The following RBFOX1 variants were observed in gnomAD, a reference collection of about 807,000 sequenced individuals.
The protein encoded by RBFOX1 is RNA binding fox-1 homolog 1, also known as RNA binding protein fox-1 homolog 1.
In RBFOX1, 8 loss-of-function variants were observed where a neutral mutation model predicts 57.7. The ratio of observed to expected loss-of-function variants is 0.14; its 90% CI spans 0.08 to 0.25. RBFOX1 has a LOEUF of 0.25. Among genes scored for constraint, RBFOX1 ranks in the 10% least tolerant of loss-of-function variants. RBFOX1 has a pLI of 1.00. For missense variants in RBFOX1, 611 were observed against 548.5 expected (o/e 1.11, Z -1.14); for synonymous variants, 326 against 222.4 (o/e 1.47, Z -4.15).
At chr16:7,456,500 A>T (rs2058540614) in intron 4 of RBFOX1, among the ~76,000 whole-genome samples, 1 of 152,234 alleles carries the variant, frequency 6.6e-6, no homozygotes, top group South Asian at 2.1e-4. Context: ...ATTGTTTGCC[A>T]AGGTTGCAAG....
chr16:5,414,700 A>C (rs914061696), intron 1 of RBFOX1, among the ~76,000 whole-genome samples: 4 of 152,154 alleles, frequency 2.6e-5, no homozygotes, highest in African/African-American at 9.7e-5. Context: ...CTGAAATTCA[A>C]AATGACCTCT....
chr16:7,674,642 G>C (rs552456258), intron 13 of RBFOX1, among the ~76,000 whole-genome samples: 7 of 152,306 alleles, frequency 4.6e-5, no homozygotes, highest in African/African-American at 1.4e-4. Flanking sequence ...CACATTTTCT[G>C]TAACTGGCCA....
chr16:6,994,292 C>T (rs1473783580), intron 3 of RBFOX1, among the ~76,000 whole-genome samples: 1 of 152,108 alleles, frequency 6.6e-6, no homozygotes, highest in South Asian at 2.1e-4. Flanking sequence ...TTAATGAAGC[C>T]ATCTTCATCT....
chr16:7,439,753 C>A (rs890075382), intron 4 of RBFOX1, among the ~76,000 whole-genome samples: 1 of 152,128 alleles, frequency 6.6e-6, no homozygotes, highest in Admixed American at 6.6e-5. Flanking sequence ...CATGCATATT[C>A]TTTCCTGAGC....
At chr16:7,646,124 C>G (rs1005609707) in intron 11 of RBFOX1, among the ~76,000 whole-genome samples, 5 of 151,992 alleles carry the variant, frequency 3.3e-5, no homozygotes, top group Admixed American at 3.3e-4. Flanking sequence ...TGTTATAAAC[C>G]AATTTGATGT....
intron 3 of RBFOX1, among the ~76,000 whole-genome samples, chr16:6,895,404 G>A (rs118114133): frequency 0.015 from 1,941 of 132,270 alleles, 25 homozygotes; most frequent in Non-Finnish European, 0.022. Context: ...TCAGCCACTA[G>A]TTGTTAGTAA....
intron 4 of RBFOX1, among the ~76,000 whole-genome samples, chr16:7,479,075 C>T (rs988581160): frequency 2.0e-5 from 3 of 151,448 alleles, no homozygotes; most frequent in African/African-American, 7.3e-5. Context: ...GGCAGGAATG[C>T]ACTCAGGTTG....
At chr16:5,833,655 T>A (rs1281477439) in intron 3 of RBFOX1, among the ~76,000 whole-genome samples, 1 of 152,108 alleles carries the variant, frequency 6.6e-6, no homozygotes, top group African/African-American at 2.4e-5. Context: ...TAAGGATGAT[T>A]TGTGATCCGT....
intron 4 of RBFOX1, among the ~76,000 whole-genome samples, chr16:7,258,788 G>A (rs529917947): frequency 6.6e-6 from 1 of 152,150 alleles, no homozygotes; most frequent in African/African-American, 2.4e-5. Context: ...ATTTTGAACC[G>A]AGAAAGGGTT....
At chr16:6,471,518 C>G (rs2095173483) in intron 2 of RBFOX1, among the ~76,000 whole-genome samples, 1 of 151,176 alleles carries the variant, frequency 6.6e-6, no homozygotes, top group East Asian at 1.9e-4. Flanking sequence ...AAAAGAATGA[C>G]TCCATCAATT....
chr16:7,397,167 T>G (rs532422156), intron 4 of RBFOX1, among the ~76,000 whole-genome samples: 1 of 152,218 alleles, frequency 6.6e-6, no homozygotes, highest in African/African-American at 2.4e-5. Context: ...TTTACCAAAA[T>G]GTTACCATCT....
intron 3 of RBFOX1, among the ~76,000 whole-genome samples, chr16:6,949,090 A>G (rs2080165338): frequency 6.6e-6 from 1 of 152,214 alleles, no homozygotes; most frequent in African/African-American, 2.4e-5. Flanking sequence ...AGGTTTCTTT[A>G]TCCTCTGAAA....
intron 4 of RBFOX1, among the ~76,000 whole-genome samples, chr16:7,203,456 A>G (rs1022556499): frequency 6.6e-6 from 1 of 152,184 alleles, no homozygotes; most frequent in Non-Finnish European, 1.5e-5. Flanking sequence ...TCTGGAGGTT[A>G]TGGTGGTGAT....
At chr16:5,307,673 A>G (rs1008964241) in intron 1 of RBFOX1, among the ~76,000 whole-genome samples, 1 of 152,084 alleles carries the variant, frequency 6.6e-6, no homozygotes, top group Non-Finnish European at 1.5e-5. Flanking sequence ...TTTATTTATG[A>G]TGAATTATTA....
At chr16:6,647,041 T>TC (rs1302346196) in intron 2 of RBFOX1, among the ~76,000 whole-genome samples, 1 of 152,124 alleles carries the variant, frequency 6.6e-6, no homozygotes, top group Non-Finnish European at 1.5e-5. Flanking sequence ...ATTTACTTTG[T>TC]CATAGTTCTT....
At chr16:6,321,932 T>A (rs191354758) in intron 2 of RBFOX1, among the ~76,000 whole-genome samples, 16 of 152,290 alleles carry the variant, frequency 1.1e-4, no homozygotes, top group African/African-American at 4.8e-5. Flanking sequence ...TTGCTATACA[T>A]CTTCACTCAT....
rs17141343 is a variant in RBFOX1 at position 6,760,985 on chromosome 16, T to C, written c.-16+106335T>C. 9.0e-3 allele frequency among the ~76,000 whole-genome samples: 1,377 copies of C among 152,316 alleles called. 24 individuals carry two copies. The highest frequency in any genetic ancestry group is 0.031 in the African/African-American group (1,304 of 41,570). ...TCTTCTTAGCTCTCTCCCTAAAAGT[T>C]GACTGAGCCATCTTTCCAATTAATA... On this transcript the variant is annotated intron_variant, in intron 3 of 15. Transcript: ENST00000550418.
chr16:7,097,059 A>T (rs955091161), intron 4 of RBFOX1, among the ~76,000 whole-genome samples: 1 of 152,184 alleles, frequency 6.6e-6, no homozygotes, highest in East Asian at 1.9e-4. Context: ...CTCCTATACA[A>T]ATAAACACAT....
At chr16:7,065,902 A>G (rs971825630) in intron 4 of RBFOX1, among the ~76,000 whole-genome samples, 1 of 152,192 alleles carries the variant, frequency 6.6e-6, no homozygotes, top group African/African-American at 2.4e-5. Flanking sequence ...CATGGGGTAC[A>G]TGTCTTTCTG....
Sources: allele counts gnomAD v4.1 joint callset (sites outside exome capture counted in the v4.1 genomes callset), GRCh38; gene constraint gnomAD v4.1.1; transcripts MANE v1.5; gene names NCBI Gene and HGNC (gene_info 2026-07-23, HGNC 2026-07-21).